The following MMEL1 variants were observed in gnomAD, a reference collection of about 807,000 sequenced individuals.
MMEL1 encodes membrane metalloendopeptidase like 1.
A neutral mutation model predicts 117.1 loss-of-function variants in MMEL1; 98 were observed. That is an observed-to-expected ratio of 0.84 (90% confidence interval 0.71 to 0.99). The LOEUF (loss-of-function observed/expected upper bound fraction) is 0.99. Among genes scored for constraint, MMEL1 ranks in the 50% least tolerant of loss-of-function variants. The pLI, the probability that MMEL1 is intolerant of heterozygous loss-of-function variation, is 0.00. For synonymous variants in MMEL1, 390 were observed against 415.1 expected (o/e 0.94, Z 0.74); for missense variants, 1,014 against 1,049.1 (o/e 0.97, Z 0.46).
chr1:2,596,704 C>T lies in MMEL1; in HGVS notation c.1273-15G>A, dbSNP rs771646217. The T allele has an allele frequency of 4.0e-5, 64 of 1,610,340 alleles. No individual in the cohort carries two copies. The highest frequency in any genetic ancestry group is 1.3e-4 in the East Asian group (6 of 44,860). On this transcript the variant is annotated splice_polypyrimidine_tract_variant and intron_variant, in intron 13 of 23. Coordinates refer to ENST00000378412, the MANE Select transcript of MMEL1 (RefSeq NM_033467.4). ...CCAAACAGCGCCTGGTGGGGCCACCCGATCATCCCACGGGCCCCCACGTCA... is the reference window on the plus strand; with the variant it reads ...CCAAACAGCGCCTGGTGGGGCCACCTGATCATCCCACGGGCCCCCACGTCA...
intron 12 of MMEL1, 43 bp downstream of exon 12, chr1:2,598,611 G>A (rs771023678): frequency 6.2e-7 from 1 of 1,610,356 alleles, no homozygotes; most frequent in Admixed American, 1.7e-5. Flanking sequence ...GGAGAGCAGG[G>A]GCAAAGATGC....
At chr1:2,605,054 G>A (rs1307553112) in intron 9 of MMEL1, among the ~76,000 whole-genome samples, 1 of 152,102 alleles carries the variant, frequency 6.6e-6, no homozygotes, top group Admixed American at 6.5e-5. Flanking sequence ...CCCTGGTGCT[G>A]GATGCCTTGC....
intron 11 of MMEL1, among the ~76,000 whole-genome samples, chr1:2,602,406 C>T (rs1644947324): frequency 6.6e-6 from 1 of 152,184 alleles, no homozygotes; most frequent in Non-Finnish European, 1.5e-5. Flanking sequence ...GTGATGTCTC[C>T]ACGGCAACCT....
At chr1:2,597,805 C>T (rs1040353724) in intron 13 of MMEL1, among the ~76,000 whole-genome samples, 1 of 152,232 alleles carries the variant, frequency 6.6e-6, no homozygotes. Context: ...TCGCCTCCCT[C>T]CCTGCCATCT....
chr1:2,616,144 G>A (rs910535716), intron 2 of MMEL1, among the ~76,000 whole-genome samples: 9 of 151,956 alleles, frequency 5.9e-5, no homozygotes, highest in African/African-American at 2.2e-4. Context: ...AGACCAGCCC[G>A]GGCAACATGG....
chr1:2,627,495 T>C (rs1320149610), intron 2 of MMEL1, among the ~76,000 whole-genome samples: 1 of 152,234 alleles, frequency 6.6e-6, no homozygotes, highest in Non-Finnish European at 1.5e-5. Context: ...ATTGAGCCTA[T>C]TCCGCAGCAC....
At chr1:2,622,230 C>A (rs562017235) in intron 2 of MMEL1, among the ~76,000 whole-genome samples, 104 of 152,340 alleles carry the variant, frequency 6.8e-4, no homozygotes, top group African/African-American at 2.5e-3. Context: ...AATTATCAAG[C>A]AAATTTGGTC....
In MMEL1 at chr1:2,629,440, G is replaced by T. The variant is rs758717475; in HGVS notation, c.45C>A (p.Gly15=). The change falls in exon 2 of 24, where the codon GGC becomes GGA. Residue 15 remains glycine, a synonymous_variant. Coordinates refer to ENST00000378412, the MANE Select transcript of MMEL1 (RefSeq NM_033467.4). ...ACCCCGGGCGCTTCTGCCCTGCACG[G>T]CCGGCGCTCTCCACCATCCCCACTG... ...EGPVGMVESA[G]RAGQKRPGFL... 6.5e-7 allele frequency: 1 copy of T among 1,543,782 alleles called. No individual in the cohort carries two copies. The highest frequency in any genetic ancestry group is 8.7e-7 in the Non-Finnish European group (1 of 1,145,138).
intron 3 of MMEL1, 152 bp from the exon 4 acceptor site, chr1:2,611,492 G>C (rs931319595): frequency 3.5e-5 from 18 of 514,276 alleles, no homozygotes; most frequent in African/African-American, 3.2e-4. Context: ...GTGGAGCATG[G>C]GCTGAAGCCA....
intron 2 of MMEL1, among the ~76,000 whole-genome samples, chr1:2,623,793 T>C (rs1645327102): frequency 6.6e-6 from 1 of 152,222 alleles, no homozygotes; most frequent in African/African-American, 2.4e-5. Context: ...CTGCTTTGGC[T>C]GAGACATGAA....
At chr1:2,619,923 A>G (rs1327510718) in intron 2 of MMEL1, among the ~76,000 whole-genome samples, 2 of 152,202 alleles carry the variant, frequency 1.3e-5, no homozygotes, top group African/African-American at 4.8e-5. Flanking sequence ...GCTGAAAGAC[A>G]TGGAGGACAG....
At chr1:2,608,649 GCA>G (rs887813527) in intron 6 of MMEL1, among the ~76,000 whole-genome samples, 1 of 151,264 alleles carries the variant, frequency 6.6e-6, no homozygotes, top group Non-Finnish European at 1.5e-5. Context: ...ATACACATAT[GCA>G]CACACAACAC....
rs375242065 is a variant in MMEL1, at chr1:2,600,839, T to G, written c.1042-2049A>C. On this transcript the variant is annotated intron_variant, in intron 11 of 23. Coordinates refer to ENST00000378412, the MANE Select transcript of MMEL1 (RefSeq NM_033467.4). ...AGTATTTCCATATATCAGCAACAAA[T>G]AAGATAATTTCAAAATGATTCTATT... Among the ~76,000 whole-genome samples the G allele has an allele frequency of 4.6e-5, 7 of 152,256 alleles. No individual in the cohort carries two copies. In the East Asian group the frequency reaches 1.3e-3, roughly 29 times the overall value.
chr1:2,592,060 C>T, intron 21 of MMEL1, 33 bp from the exon 22 acceptor site: 1 of 1,572,786 alleles, frequency 6.4e-7, no homozygotes, highest in South Asian at 1.1e-5. Context: ...GAGCTCAGGC[C>T]TGCCAGCCTG....
At chr1:2,605,243 C>T (rs540867978) in intron 9 of MMEL1, among the ~76,000 whole-genome samples, 50 of 152,178 alleles carry the variant, frequency 3.3e-4, no homozygotes, top group Non-Finnish European at 6.2e-4. Flanking sequence ...TCTCCAGGGG[C>T]CCTCCTGGGA....
intron 1 of MMEL1, among the ~76,000 whole-genome samples, chr1:2,630,880 GTGAC>G (rs1194952334): frequency 6.7e-6 from 1 of 148,418 alleles, no homozygotes; most frequent in Non-Finnish European, 1.5e-5. Context: ...GTGCATGTGT[GTGAC>G]TGTGCATTGT....
intron 12 of MMEL1, 121 bp downstream of exon 12, chr1:2,598,533 C>T: frequency 6.7e-7 from 1 of 1,490,462 alleles, no homozygotes; most frequent in South Asian, 1.3e-5. Flanking sequence ...CCCTCATGTC[C>T]CACACCCCTC....
intron 10 of MMEL1, 25 bp downstream of exon 10, chr1:2,604,122 T>TTCCCCCCC: frequency 4.4e-6 from 6 of 1,357,430 alleles, no homozygotes; most frequent in Non-Finnish European, 6.3e-6. Flanking sequence ...CGCTGCCCGC[T>TTCCCCCCC]CCCCACCCGC....
intron 11 of MMEL1, among the ~76,000 whole-genome samples, chr1:2,601,324 C>G (rs888498577): frequency 3.1e-4 from 47 of 152,196 alleles, no homozygotes; most frequent in African/African-American, 9.4e-4. Flanking sequence ...CACAGGAACA[C>G]CTGATTTATA....
Sources: allele counts gnomAD v4.1 joint callset (sites outside exome capture counted in the v4.1 genomes callset), GRCh38; gene constraint gnomAD v4.1.1; transcripts MANE v1.5; gene names NCBI Gene and HGNC (gene_info 2026-07-23, HGNC 2026-07-21).